Variants in SPECC1L observed in about 807,000 individuals in gnomAD.
SPECC1L encodes cytospin-A.
In SPECC1L, 40 loss-of-function variants were observed where a neutral mutation model predicts 116.8. The ratio of observed to expected loss-of-function variants is 0.34; its 90% CI spans 0.27 to 0.45. SPECC1L has a LOEUF of 0.45. Among genes scored for constraint, SPECC1L ranks in the 20% least tolerant of loss-of-function variants. SPECC1L has a pLI of 1.00. For synonymous variants in SPECC1L, 504 were observed against 500.6 expected (o/e 1.01, Z -0.09); for missense variants, 1,110 against 1,373.6 (o/e 0.81, Z 3.03).
rs200511260 is a variant in SPECC1L, at chr22:24,365,553, A to G, written c.2905A>G (p.Met969Val). The G allele has an allele frequency of 3.6e-5, 58 of 1,613,996 alleles. 1 individual carries two copies. The highest frequency in any genetic ancestry group is 6.7e-5 in the East Asian group (3 of 44,890). ...EGASPASLMAMGTTSPQLSLS... is the reference protein window; with the variant it reads ...EGASPASLMAVGTTSPQLSLS... ...AGCGTCGCCAGCCTCTCTGATGGCT[A>G]TGGGAACCACGTCTCCACAGCTTTC... Residue 969 changes from methionine to valine, a missense_variant, in exon 13 of 17, where the codon ATG becomes GTG. By Grantham distance (21) the Met-to-Val change is conservative. This residue lies in a region of SPECC1L where 575 missense variants were observed against 682.4 expected (regional missense o/e 0.84). Coordinates refer to ENST00000314328, the MANE Select transcript of SPECC1L (RefSeq NM_015330.6).
At chr22:24,279,426 A>G (rs925165757) in intron 2 of SPECC1L, among the ~76,000 whole-genome samples, 15 of 152,166 alleles carry the variant, frequency 9.9e-5, no homozygotes, top group African/African-American at 3.6e-4. Context: ...ACAAGGTTTC[A>G]CTATTTTGCA....
intron 10 of SPECC1L, among the ~76,000 whole-genome samples, chr22:24,340,140 C>CTTTTTTTTTT (rs765402107): frequency 1.9e-5 from 2 of 105,140 alleles, no homozygotes; most frequent in African/African-American, 9.2e-5. Flanking sequence ...ATTTAATGAC[C>CTTTTTTTTTT]TTTTTTTTTT....
intron 2 of SPECC1L, among the ~76,000 whole-genome samples, chr22:24,282,283 T>G (rs1287134514): frequency 2.0e-5 from 3 of 152,220 alleles, no homozygotes; most frequent in African/African-American, 4.8e-5. Context: ...TAATCTTGTG[T>G]CTAATGTGAG....
chr22:24,403,241 T>A (rs1262644946), intron 14 of SPECC1L, among the ~76,000 whole-genome samples: 3 of 152,182 alleles, frequency 2.0e-5, no homozygotes. Context: ...GCACATGTCA[T>A]CTCTCTTGTT....
At chr22:24,389,819 A>G (rs1257290903) in intron 14 of SPECC1L, among the ~76,000 whole-genome samples, 1 of 152,188 alleles carries the variant, frequency 6.6e-6, no homozygotes, top group Non-Finnish European at 1.5e-5. Flanking sequence ...TGTATGAAGT[A>G]TTAAGTATGG....
intron 2 of SPECC1L, 116 bp from the exon 3 acceptor site, chr22:24,302,072 CTTTTCTG>C: frequency 1.3e-6 from 1 of 764,146 alleles, no homozygotes. Flanking sequence ...TTTTTTTCAA[CTTTTCTG>C]TAGTGACATC....
chr22:24,380,203 T>C (rs2042040735), intron 14 of SPECC1L, among the ~76,000 whole-genome samples: 1 of 152,204 alleles, frequency 6.6e-6, no homozygotes, highest in Non-Finnish European at 1.5e-5. Flanking sequence ...CTGAAAGCCA[T>C]ATCTAATAGT....
chr22:24,394,885 C>T (rs1394661833), intron 14 of SPECC1L, among the ~76,000 whole-genome samples: 1 of 152,164 alleles, frequency 6.6e-6, no homozygotes, highest in African/African-American at 2.4e-5. Context: ...GGCTGGAGTG[C>T]AGTGGTGCAA....
chr22:24,333,649 C>T (rs1296150385), intron 8 of SPECC1L, among the ~76,000 whole-genome samples: 3 of 151,102 alleles, frequency 2.0e-5, no homozygotes, highest in African/African-American at 7.3e-5. Context: ...GTGGGCTAAG[C>T]ATGATGTATT....
chr22:24,384,952 T>C (rs1483509084), intron 14 of SPECC1L, among the ~76,000 whole-genome samples: 1 of 151,510 alleles, frequency 6.6e-6, no homozygotes, highest in African/African-American at 2.4e-5. Flanking sequence ...TAGTCCCAGC[T>C]ACTTGGGAGG....
chr22:24,309,809 CAGTT>C (rs1223692891), intron 3 of SPECC1L, among the ~76,000 whole-genome samples: 1 of 152,214 alleles, frequency 6.6e-6, no homozygotes. Context: ...ATTTGAAATA[CAGTT>C]AGTCTGTTTG....
Position 24,414,800 on chromosome 22 carries a change from G to T in SPECC1L, c.*177G>T. 1 of 634,690 alleles carries T rather than the reference G, an allele frequency of 1.6e-6. No individual in the cohort carries two copies. The highest frequency in any genetic ancestry group is 2.2e-5 in the Admixed American group (1 of 45,040). 39.3% of individuals were successfully genotyped at this position (634,690 alleles called of 1,614,324 possible). On this transcript the variant is annotated 3_prime_UTR_variant, in exon 17 of 17. Coordinates refer to ENST00000314328, the MANE Select transcript of SPECC1L (RefSeq NM_015330.6). The stretch of plus-strand genomic sequence containing the variant: ...GAAGAACTCAGCCGTGTGGCCCACA[G>T]CTCCCACCAGGGCCCCTCCCACATG...
intron 2 of SPECC1L, among the ~76,000 whole-genome samples, chr22:24,287,843 T>G (rs900248395): frequency 3.9e-5 from 6 of 152,126 alleles, no homozygotes; most frequent in African/African-American, 1.4e-4. Context: ...CTTTCCTTCT[T>G]GCCGGTGAGG....
intron 13 of SPECC1L, among the ~76,000 whole-genome samples, chr22:24,367,019 C>T (rs564289482): frequency 1.4e-4 from 21 of 152,232 alleles, no homozygotes; most frequent in Admixed American, 1.2e-3. Flanking sequence ...CATGGTGAAA[C>T]CCCATCTGTA....
At chr22:24,385,969 C>T (rs1298095119) in intron 14 of SPECC1L, among the ~76,000 whole-genome samples, 2 of 152,146 alleles carry the variant, frequency 1.3e-5, no homozygotes, top group African/African-American at 4.8e-5. Flanking sequence ...ACAGTATATT[C>T]ATCAGAATTG....
rs11704759 is a variant in SPECC1L at position 24,365,476 on chromosome 22, T to C, written c.2828T>C (p.Val943Ala). The part of the protein sequence containing the change: ...PAMESAKTLS[V>A]SRRSSEEVKR... ...AGTGCATAATGACTATTTCTCACAG[T>C]GTCTCGACGAAGTAGTGAAGAAGTG... is the stretch of plus-strand genomic sequence containing the variant. Residue 943 changes from valine to alanine, a missense_variant and splice_region_variant, in exon 13 of 17, where the codon GTG becomes GCG. This residue lies in a region of SPECC1L where 575 missense variants were observed against 682.4 expected (regional missense o/e 0.84). Coordinates refer to ENST00000314328, the MANE Select transcript of SPECC1L (RefSeq NM_015330.6). 6.2e-7 allele frequency: 1 copy of C among 1,613,960 alleles called. No individual in the cohort carries two copies.
At chr22:24,396,295 GTTTT>G (rs11287152) in intron 14 of SPECC1L, among the ~76,000 whole-genome samples, 1 of 148,334 alleles carries the variant, frequency 6.7e-6, no homozygotes, top group African/African-American at 2.5e-5. Flanking sequence ...ACTTTCTGTG[GTTTT>G]TTTTTTTTGT....
intron 14 of SPECC1L, among the ~76,000 whole-genome samples, chr22:24,376,635 C>CTT (rs1228449190): frequency 3.9e-5 from 6 of 152,124 alleles, no homozygotes; most frequent in Non-Finnish European, 7.4e-5. Context: ...CTTGGATGAA[C>CTT]TTTGAATATT....
intron 13 of SPECC1L, among the ~76,000 whole-genome samples, chr22:24,366,368 T>A (rs1307129780): frequency 6.6e-6 from 1 of 152,052 alleles, no homozygotes; most frequent in Non-Finnish European, 1.5e-5. Flanking sequence ...TAATTTTTTG[T>A]GTTTTTAGTA....
Sources: gnomAD v4.1 joint callset for allele counts (sites outside exome capture counted in the v4.1 genomes callset) on GRCh38, gnomAD v4.1.1 for gene constraint, gnomAD v4.1.1 regional missense constraint, MANE v1.5 for transcripts, NCBI Gene and HGNC (gene_info 2026-07-23, HGNC 2026-07-21) for gene names.